ARMH3: variants seen among roughly 807,000 people sequenced by gnomAD.
The protein encoded by ARMH3 is armadillo-like helical domain-containing protein 3.
In ARMH3, 60 loss-of-function variants were observed where a neutral mutation model predicts 99.1. The ratio of observed to expected loss-of-function variants is 0.61; its 90% CI spans 0.49 to 0.75. ARMH3 has a LOEUF of 0.75. ARMH3 is among the 30% of genes least tolerant of loss of function. The pLI is 0.00. For missense variants in ARMH3, 679 were observed against 843.1 expected, an observed-to-expected ratio of 0.81 and a Z score of 2.41; for synonymous variants, 285 against 292.8, an observed-to-expected ratio of 0.97 and a Z score of 0.27.
At chr10:101,995,961 C>G (rs1847036160) in intron 15 of ARMH3, among the ~76,000 whole-genome samples, 1 of 152,216 alleles carries the variant, frequency 6.6e-6, no homozygotes, top group Non-Finnish European at 1.5e-5. Context: ...AGGCACTGTG[C>G]AAGGCACTAG....
At chr10:101,953,346 G>A (rs1285921889) in intron 22 of ARMH3, among the ~76,000 whole-genome samples, 2 of 152,052 alleles carry the variant, frequency 1.3e-5, no homozygotes, top group African/African-American at 2.4e-5. Flanking sequence ...GGCTGGTCTC[G>A]AACTCCTGAG....
At chr10:101,993,013 G>A (rs1361788215) in intron 17 of ARMH3, among the ~76,000 whole-genome samples, 1 of 151,798 alleles carries the variant, frequency 6.6e-6, no homozygotes, top group African/African-American at 2.4e-5. Flanking sequence ...GCTCACACCT[G>A]TAATCTCAGC....
At chr10:101,865,294 CAT>C (rs938846061) in intron 24 of ARMH3, among the ~76,000 whole-genome samples, 23 of 151,302 alleles carry the variant, frequency 1.5e-4, no homozygotes, top group African/African-American at 4.4e-4. Context: ...GTAAGATATA[CAT>C]AGAGAGTATT....
At chr10:102,020,052 T>A in intron 8 of ARMH3, among the ~76,000 whole-genome samples, 1 of 151,086 alleles carries the variant, frequency 6.6e-6, no homozygotes. Context: ...GTCAAACATG[T>A]CATCTCAAAC....
chr10:102,045,265 AC>A (rs1223746735), intron 1 of ARMH3, among the ~76,000 whole-genome samples: 1 of 152,178 alleles, frequency 6.6e-6, no homozygotes, highest in Non-Finnish European at 1.5e-5. Flanking sequence ...CACTGGGAAC[AC>A]AGCAGTAAAC....
chr10:101,894,956 C>G (rs1365349611), intron 23 of ARMH3, among the ~76,000 whole-genome samples: 1 of 151,680 alleles, frequency 6.6e-6, no homozygotes, highest in Non-Finnish European at 1.5e-5. Context: ...TCTCATAAGC[C>G]AGGAAGACAG....
chr10:101,926,794 T>C (rs1233337540), intron 23 of ARMH3, among the ~76,000 whole-genome samples: 1 of 152,172 alleles, frequency 6.6e-6, no homozygotes, highest in Non-Finnish European at 1.5e-5. Context: ...AAATTTTTTT[T>C]CCTACCTTGG....
chr10:101,963,402 G>T (rs1219546729), intron 20 of ARMH3, among the ~76,000 whole-genome samples: 2 of 152,142 alleles, frequency 1.3e-5, no homozygotes, highest in East Asian at 3.9e-4. Flanking sequence ...CTCCCAAAGT[G>T]CTGGGATTAC....
chr10:101,960,463 T>C (rs2135830809), intron 20 of ARMH3, among the ~76,000 whole-genome samples: 1 of 152,306 alleles, frequency 6.6e-6, no homozygotes, highest in South Asian at 2.1e-4. Flanking sequence ...GAAAATGCCT[T>C]AGGTCATTTA....
intron 13 of ARMH3, 38 bp downstream of exon 13, chr10:102,009,336 A>G (rs766805019): frequency 1.5e-5 from 23 of 1,552,588 alleles, no homozygotes; most frequent in Non-Finnish European, 2.0e-5. Context: ...TATGAAATTT[A>G]GAGAGAAAAA....
chr10:101,869,373 C>T (rs1310980217), intron 24 of ARMH3, among the ~76,000 whole-genome samples: 1 of 152,160 alleles, frequency 6.6e-6, no homozygotes, highest in Non-Finnish European at 1.5e-5. Context: ...CATAAAGCAA[C>T]TCTCAATAAA....
intron 14 of ARMH3, among the ~76,000 whole-genome samples, chr10:102,005,179 A>G (rs114803879): frequency 1.0e-3 from 153 of 152,296 alleles, no homozygotes; most frequent in African/African-American, 3.5e-3. Flanking sequence ...CCTAGGCAAC[A>G]GTGCGAGACT....
chr10:101,917,949 T>A (rs1448215212), intron 23 of ARMH3, among the ~76,000 whole-genome samples: 1 of 152,240 alleles, frequency 6.6e-6, no homozygotes, highest in Non-Finnish European at 1.5e-5. Flanking sequence ...TACAGTCGTT[T>A]TGCAGTTCAT....
chr10:101,848,137 A>C (rs2066503606), intron 25 of ARMH3, among the ~76,000 whole-genome samples: 1 of 152,346 alleles, frequency 6.6e-6, no homozygotes, highest in Middle Eastern at 3.4e-3. Flanking sequence ...AGTAGGATCC[A>C]AGGAGGCCAA....
intron 23 of ARMH3, among the ~76,000 whole-genome samples, chr10:101,918,407 A>T (rs1843172688): frequency 6.6e-6 from 1 of 152,092 alleles, no homozygotes. Context: ...GCTTTCCCCA[A>T]CTCATTCATA....
Position 102,023,578 on chromosome 10 carries a change from A to C in ARMH3, c.583-15T>G. On this transcript the variant is annotated splice_polypyrimidine_tract_variant and intron_variant, in intron 7 of 25. Transcript: ENST00000370033. ...TGGGAAAGTATCTGTAACAAGAACCAAAAATGCATGAGACTGCTAACTCCT... is the reference window on the plus strand; with the variant it reads ...TGGGAAAGTATCTGTAACAAGAACCCAAAATGCATGAGACTGCTAACTCCT... The C allele has an allele frequency of 6.2e-7, 1 of 1,612,826 alleles. No individual in the cohort carries two copies. Among genetic ancestry groups the C allele is most frequent in the Non-Finnish European group, 8.5e-7 (1 of 1,178,908 alleles).
intron 5 of ARMH3, among the ~76,000 whole-genome samples, chr10:102,029,204 T>C (rs2067067366): frequency 6.6e-6 from 1 of 152,238 alleles, no homozygotes; most frequent in South Asian, 2.1e-4. Context: ...GGTGGATTTA[T>C]GCTATATGAA....
chr10:101,890,217 CTCT>C (rs1326622035), intron 23 of ARMH3, among the ~76,000 whole-genome samples: 1 of 150,326 alleles, frequency 6.7e-6, no homozygotes, highest in East Asian at 1.9e-4. Flanking sequence ...AGAGACAAAT[CTCT>C]TTTTTTCATA....
chr10:101,991,825 A>G, intron 18 of ARMH3, 144 bp downstream of exon 18: 2 of 888,920 alleles, frequency 2.2e-6, no homozygotes, highest in Non-Finnish European at 3.5e-6. Context: ...ACACAACAAT[A>G]AACATGATTC....
Sources: gnomAD v4.1 joint callset for allele counts (sites outside exome capture counted in the v4.1 genomes callset) on GRCh38, gnomAD v4.1.1 for gene constraint, MANE v1.5 for transcripts, NCBI Gene and HGNC (gene_info 2026-07-23, HGNC 2026-07-21) for gene names.